Variants in CDKN2B-AS1 observed in about 807,000 individuals in gnomAD.
CDKN2B-AS1 encodes CDKN2B and CDKN2A antisense cis and trans regulatory RNA 1.
At chr9:22,085,844 A>C (rs1046008644) in intron 4 of CDKN2B-AS1, among the ~76,000 whole-genome samples, 2 of 151,660 alleles carry the variant, frequency 1.3e-5, no homozygotes, top group African/African-American at 4.9e-5. Flanking sequence ...TCCTGTGCCA[A>C]ATGTCTATTT....
intron 3 of CDKN2B-AS1, among the ~76,000 whole-genome samples, chr9:22,052,719 A>G (rs1031190293): frequency 6.6e-6 from 1 of 152,226 alleles, no homozygotes; most frequent in Non-Finnish European, 1.5e-5. Context: ...GTCCAGAGCA[A>G]GTGAATACTG....
intron 1 of CDKN2B-AS1, among the ~76,000 whole-genome samples, chr9:22,035,395 T>C (rs1322170370): frequency 1.3e-5 from 2 of 152,102 alleles, no homozygotes; most frequent in East Asian, 3.9e-4. Flanking sequence ...AAGAATTACA[T>C]AGATATGGGT....
chr9:22,047,337 A>C (rs753011218), intron 2 of CDKN2B-AS1, among the ~76,000 whole-genome samples: 11 of 152,118 alleles, frequency 7.2e-5, no homozygotes, highest in Non-Finnish European at 1.5e-4. Context: ...TCATCCTCAC[A>C]AGTTTCAGAG....
Position 22,077,356 on chromosome 9 carries a change from T to C in CDKN2B-AS1, n.438+20969T>C, listed in dbSNP as rs542825042. Among the ~76,000 whole-genome samples, 12 of 152,322 alleles carry C rather than the reference T, an allele frequency of 7.9e-5. No individual in the cohort carries two copies. The South Asian group carries it at 2.5e-3, about 32-fold the overall frequency. ...TTAAAATTTGGGGTATATGTTATAG[T>C]ACATGCCATTTAGGACATTAAATTG... On this transcript the variant is annotated intron_variant and non_coding_transcript_variant, in intron 4 of 4. Coordinates refer to ENST00000650946, the Ensembl canonical transcript of CDKN2B-AS1.
intron 4 of CDKN2B-AS1, among the ~76,000 whole-genome samples, chr9:22,067,646 A>G: frequency 6.6e-6 from 1 of 152,190 alleles, no homozygotes; most frequent in East Asian, 1.9e-4. Context: ...TTTTCAAAGT[A>G]TACAGCCTAC....
chr9:22,098,254 G>A (rs751358180), intron 4 of CDKN2B-AS1, among the ~76,000 whole-genome samples: 16 of 151,080 alleles, frequency 1.1e-4, no homozygotes, highest in Non-Finnish European at 1.9e-4. Context: ...ACATTTATAT[G>A]TGTATATGTA....
intron 1 of CDKN2B-AS1, chr9:22,009,186 G>T (rs1338157142): frequency 4.7e-6 from 3 of 634,162 alleles, no homozygotes; most frequent in Non-Finnish European, 8.3e-6. Context: ...CAGCGGGCGC[G>T]CCTGGATTGC....
intron 4 of CDKN2B-AS1, among the ~76,000 whole-genome samples, chr9:22,089,681 C>T (rs922988826): frequency 2.0e-5 from 3 of 151,980 alleles, no homozygotes; most frequent in African/African-American, 2.4e-5. Flanking sequence ...AACTCCTGGG[C>T]TCAAGTGATC....
At chr9:22,014,054 A>G (rs896292962) in intron 1 of CDKN2B-AS1, among the ~76,000 whole-genome samples, 1 of 152,238 alleles carries the variant, frequency 6.6e-6, no homozygotes, top group African/African-American at 2.4e-5. Context: ...TCTAGCAGCC[A>G]TGGATAATTA....
chr9:22,033,878 T>C (rs751684368), intron 1 of CDKN2B-AS1, among the ~76,000 whole-genome samples: 1 of 152,216 alleles, frequency 6.6e-6, no homozygotes, highest in Non-Finnish European at 1.5e-5. Context: ...AGTTTCTTTA[T>C]ACTCAATGAA....
rs147216495 is a variant in CDKN2B-AS1 at position 22,026,398 on chromosome 9, C to G, written n.30-20353C>G. On this transcript the variant is annotated intron_variant and non_coding_transcript_variant, in intron 1 of 4. Coordinates refer to ENST00000650946, the Ensembl canonical transcript of CDKN2B-AS1. ...GTCTGGCCACATTTTAATAGAGCAACTGTGCTGTGCTGGGGGATCTCTTTG... is the reference window on the plus strand; with the variant it reads ...GTCTGGCCACATTTTAATAGAGCAAGTGTGCTGTGCTGGGGGATCTCTTTG... Among the ~76,000 whole-genome samples the G allele has an allele frequency of 7.4e-3, 1,130 of 152,282 alleles. 10 individuals are homozygous for G. The highest frequency in any genetic ancestry group is 0.026 in the African/African-American group (1,074 of 41,544).
intron 1 of CDKN2B-AS1, among the ~76,000 whole-genome samples, chr9:22,033,455 C>T (rs937243308): frequency 6.6e-6 from 1 of 152,040 alleles, no homozygotes; most frequent in African/African-American, 2.4e-5. Flanking sequence ...GTAAATGAGT[C>T]ACACTATAAA....
intron 1 of CDKN2B-AS1, among the ~76,000 whole-genome samples, chr9:22,025,619 T>C (rs550132750): frequency 6.6e-6 from 1 of 152,106 alleles, no homozygotes; most frequent in Non-Finnish European, 1.5e-5. Flanking sequence ...CAGTCCCTGG[T>C]CACTTTAGAT....
chr9:22,064,466 A>G (rs8181047), intron 4 of CDKN2B-AS1, among the ~76,000 whole-genome samples: 120,042 of 152,030 alleles, frequency 0.79, 48,406 homozygotes, highest in African/African-American at 0.95. Flanking sequence ...AAGAGGAGAA[A>G]CCAAAGGGAG....
chr9:22,112,682 A>G (rs1415373854), intron 4 of CDKN2B-AS1, among the ~76,000 whole-genome samples: 1 of 152,204 alleles, frequency 6.6e-6, no homozygotes, highest in African/African-American at 2.4e-5. Flanking sequence ...TTAGTATATT[A>G]TAAAGAGAGT....
At chr9:22,015,171 T>A (rs1192585529) in intron 1 of CDKN2B-AS1, among the ~76,000 whole-genome samples, 2 of 152,196 alleles carry the variant, frequency 1.3e-5, no homozygotes, top group African/African-American at 4.8e-5. Context: ...TCTAGATCCC[T>A]GAGAAATCGC....
intron 4 of CDKN2B-AS1, among the ~76,000 whole-genome samples, chr9:22,064,543 A>C (rs1268092124): frequency 6.6e-6 from 1 of 152,232 alleles, no homozygotes; most frequent in Admixed American, 6.5e-5. Flanking sequence ...TGAGGATTAT[A>C]GGAATGGAAA....
intron 1 of CDKN2B-AS1, among the ~76,000 whole-genome samples, chr9:22,031,566 A>G (rs1822471293): frequency 6.6e-6 from 1 of 152,204 alleles, no homozygotes; most frequent in South Asian, 2.1e-4. Context: ...CTTAGAGCTA[A>G]AAGTAAAATT....
In CDKN2B-AS1 at chr9:22,071,673, A is replaced by T. The variant is rs73650011; in HGVS notation, n.438+15286A>T. Among the ~76,000 whole-genome samples, 283 of 152,260 alleles carry T rather than the reference A, an allele frequency of 1.9e-3. 1 individual carries two copies. Among genetic ancestry groups the T allele is most frequent in the African/African-American group, 6.4e-3 (264 of 41,542 alleles). Reference sequence around the variant, plus strand: ...CTTCTATGATTCTAAATGGAAGTACACTCAATTTTCAAGTATCCATTGTGG... The same window carrying T: ...CTTCTATGATTCTAAATGGAAGTACTCTCAATTTTCAAGTATCCATTGTGG... On this transcript the variant is annotated intron_variant and non_coding_transcript_variant, in intron 4 of 4. Coordinates refer to ENST00000650946, the Ensembl canonical transcript of CDKN2B-AS1.
Sources: gnomAD v4.1 joint callset for allele counts (sites outside exome capture counted in the v4.1 genomes callset) on GRCh38, gnomAD v4.1.1 for gene constraint, MANE v1.5 for transcripts, NCBI Gene and HGNC (gene_info 2026-07-23, HGNC 2026-07-21) for gene names.